STRN: variants seen among roughly 807,000 people sequenced by gnomAD.
The protein encoded by STRN is protein phosphatase 2 regulatory subunit B'''alpha.
STRN carries 53 observed loss-of-function variants against 96.3 expected under a neutral mutation model. The ratio of observed to expected loss-of-function variants is 0.55; its 90% CI spans 0.44 to 0.69. The LOEUF is 0.69. STRN is among the 30% of genes least tolerant of loss of function. STRN has a pLI of 0.00. For synonymous variants in STRN, 428 were observed against 355.9 expected (o/e 1.20, Z -2.28); for missense variants, 987 against 963.9 (o/e 1.02, Z -0.32).
chr2:36,861,412 T>A (rs936868506), intron 12 of STRN, among the ~76,000 whole-genome samples, 159 bp from the exon 13 acceptor site: 26 of 152,238 alleles, frequency 1.7e-4, no homozygotes, highest in African/African-American at 6.0e-4. Flanking sequence ...TTCATTTTTC[T>A]TCCTCTGGTT....
At chr2:36,954,667 T>C (rs1344092278) in intron 1 of STRN, among the ~76,000 whole-genome samples, 2 of 151,814 alleles carry the variant, frequency 1.3e-5, no homozygotes, top group Non-Finnish European at 2.9e-5. Context: ...GTTTCACTCT[T>C]GTTGCCCAAG....
At chr2:36,902,468 T>C (rs1669711718) in intron 5 of STRN, 116 bp downstream of exon 5, 2 of 412,758 alleles carry the variant, frequency 4.8e-6, no homozygotes. Flanking sequence ...AGAATTTTTA[T>C]TAAGTTATAA....
chr2:36,939,060 A>C (rs1670776431), intron 1 of STRN, among the ~76,000 whole-genome samples: 1 of 151,724 alleles, frequency 6.6e-6, no homozygotes, highest in Non-Finnish European at 1.5e-5. Flanking sequence ...AGCTCGGCTC[A>C]CTGCAACCTC....
intron 3 of STRN, among the ~76,000 whole-genome samples, chr2:36,915,243 A>ATATATT (rs1282304876): frequency 1.0e-5 from 1 of 96,990 alleles, no homozygotes; most frequent in Non-Finnish European, 1.8e-5. Context: ...ATATATATAT[A>ATATATT]TATATATATA....
At chr2:36,959,113 C>G (rs1664967328) in intron 1 of STRN, among the ~76,000 whole-genome samples, 2 of 151,932 alleles carry the variant, frequency 1.3e-5, no homozygotes, top group Non-Finnish European at 2.9e-5. Context: ...TAGACTCCAT[C>G]TCAAAAAAAG....
intron 15 of STRN, among the ~76,000 whole-genome samples, chr2:36,853,646 G>C (rs752286172): frequency 2.0e-5 from 3 of 151,954 alleles, no homozygotes; most frequent in Non-Finnish European, 2.9e-5. Context: ...TGAGAAGAAG[G>C]GTAATTTATT....
At chr2:36,857,271 A>G (rs1007883062) in intron 14 of STRN, among the ~76,000 whole-genome samples, 4 of 152,076 alleles carry the variant, frequency 2.6e-5, no homozygotes, top group Non-Finnish European at 5.9e-5. Context: ...GTACTCATCT[A>G]TCAGACTCAC....
chr2:36,941,726 T>G (rs1380701102), intron 1 of STRN, among the ~76,000 whole-genome samples: 1 of 151,362 alleles, frequency 6.6e-6, no homozygotes. Context: ...ATTTTTTTTT[T>G]TTTTTTTAGT....
intron 5 of STRN, among the ~76,000 whole-genome samples, chr2:36,902,347 A>G (rs1365806138): frequency 6.6e-6 from 1 of 152,212 alleles, no homozygotes; most frequent in African/African-American, 2.4e-5. Context: ...AAGTCAATAT[A>G]CTAAAATCTA....
In STRN at chr2:36,846,004, A is replaced by G. The variant is rs1213938373; in HGVS notation, c.*3452T>C. On this transcript the variant is annotated 3_prime_UTR_variant, in exon 18 of 18. Transcript: ENST00000263918. The stretch of plus-strand genomic sequence containing the variant: ...CCCTCCCACCCCCTCCCCAAACTCA[A>G]TCTTCATCCTCACTGTAAGGCTGCA... 2.8e-5 allele frequency: 2 copies of G among 70,462 alleles called. No individual in the cohort carries two copies. The highest frequency in any genetic ancestry group is 1.0e-4 in the African/African-American group (2 of 19,718). The allele number at this position is 70,462 out of a possible 1,614,324, so 4.4% of individuals were successfully genotyped here.
chr2:36,854,743 A>C (rs558586854), intron 15 of STRN, among the ~76,000 whole-genome samples: 1 of 152,200 alleles, frequency 6.6e-6, no homozygotes, highest in African/African-American at 2.4e-5. Context: ...TCTTCTTCAT[A>C]ACCTGAAAAA....
intron 1 of STRN, among the ~76,000 whole-genome samples, chr2:36,955,675 C>G (rs910968466): frequency 6.6e-6 from 1 of 152,146 alleles, no homozygotes; most frequent in Non-Finnish European, 1.5e-5. Flanking sequence ...TCCTTAATAT[C>G]TACAAGCTAT....
chr2:36,851,169 A>G (rs967589450), intron 15 of STRN, 62 bp from the exon 16 acceptor site: 30 of 1,413,666 alleles, frequency 2.1e-5, no homozygotes, highest in Non-Finnish European at 2.6e-5. Flanking sequence ...CACAAAGGAG[A>G]ACTGAATTAT....
chr2:36,884,167 ATC>A, intron 8 of STRN, 92 bp from the exon 9 acceptor site: 1 of 1,108,926 alleles, frequency 9.0e-7, no homozygotes, highest in Non-Finnish European at 1.2e-6. Context: ...CTTATTTTCC[ATC>A]TGTCAATATT....
chr2:36,876,484 G>GT (rs1317519793), intron 10 of STRN, among the ~76,000 whole-genome samples: 6 of 152,144 alleles, frequency 3.9e-5, no homozygotes, highest in Admixed American at 1.3e-4. Context: ...CAGGTTGGGA[G>GT]TTTTTTTATC....
Position 36,849,262 on chromosome 2 carries a change from T to G in STRN, c.*194A>C. Reference sequence around the variant, plus strand: ...CTCAGGCTCACAGATTCAGCTGAGCTTGCAGCAACCTGAACAAACCTTAGT... The same window carrying G: ...CTCAGGCTCACAGATTCAGCTGAGCGTGCAGCAACCTGAACAAACCTTAGT... On this transcript the variant is annotated 3_prime_UTR_variant, in exon 18 of 18. Transcript: ENST00000263918. 1.6e-6 allele frequency: 1 copy of G among 622,504 alleles called. No homozygotes were observed. Among genetic ancestry groups the G allele is most frequent in the Non-Finnish European group, 2.7e-6 (1 of 376,452 alleles). 38.6% of individuals were successfully genotyped at this position (622,504 alleles called of 1,614,324 possible).
At chr2:36,913,597 T>C (rs1333157311) in intron 3 of STRN, among the ~76,000 whole-genome samples, 1 of 152,238 alleles carries the variant, frequency 6.6e-6, no homozygotes, top group Non-Finnish European at 1.5e-5. Context: ...TATGTCATTG[T>C]AATCACTTCT....
chr2:36,885,788 G>A (rs550692314), intron 8 of STRN, among the ~76,000 whole-genome samples: 9 of 151,994 alleles, frequency 5.9e-5, no homozygotes, highest in Admixed American at 2.6e-4. Context: ...CCAGTCTTTC[G>A]CAACTTTAAA....
At chr2:36,900,360 T>A (rs1036423563) in intron 5 of STRN, among the ~76,000 whole-genome samples, 1 of 150,654 alleles carries the variant, frequency 6.6e-6, no homozygotes, top group Non-Finnish European at 1.5e-5. Context: ...ACCTCTTACA[T>A]AAGTTTACAC....
Sources: allele counts gnomAD v4.1 joint callset (sites outside exome capture counted in the v4.1 genomes callset), GRCh38; gene constraint gnomAD v4.1.1; transcripts MANE v1.5; gene names NCBI Gene and HGNC (gene_info 2026-07-23, HGNC 2026-07-21).